The following CTNNA3 variants were observed in gnomAD, a reference collection of about 807,000 sequenced individuals.
The protein encoded by CTNNA3 is catenin alpha 3, also known as catenin alpha-3.
In CTNNA3, 76 loss-of-function variants were observed where a neutral mutation model predicts 95.7. The observed-to-expected ratio is 0.79, with a 90% CI of 0.66 to 0.96. CTNNA3 has a LOEUF of 0.96. Ranked by LOEUF, CTNNA3 falls within the 40% of genes least tolerant of loss-of-function variation. The pLI, the probability that CTNNA3 is intolerant of heterozygous loss-of-function variation, is 0.00. For synonymous variants in CTNNA3, 431 were observed against 374.4 expected (o/e 1.15, Z -1.74); for missense variants, 1,191 against 1,089.8 (o/e 1.09, Z -1.31).
At chr10:66,138,526 C>A (rs2083460810) in intron 13 of CTNNA3, among the ~76,000 whole-genome samples, 1 of 152,010 alleles carries the variant, frequency 6.6e-6, no homozygotes, top group Non-Finnish European at 1.5e-5. Context: ...TGATAAAAAT[C>A]CTTATTTAAA....
intron 5 of CTNNA3, among the ~76,000 whole-genome samples, chr10:67,373,503 T>C (rs1423944882): frequency 8.5e-5 from 13 of 152,130 alleles, no homozygotes; most frequent in Non-Finnish European, 4.4e-5. Flanking sequence ...CAAAGAGACT[T>C]AGACTCCCAC....
intron 9 of CTNNA3, among the ~76,000 whole-genome samples, chr10:66,677,826 A>G (rs1846916128): frequency 6.6e-6 from 1 of 152,156 alleles, no homozygotes. Context: ...GTGAGAATAG[A>G]CTAATACAAA....
At chr10:67,458,093 C>G (rs772421453) in intron 5 of CTNNA3, among the ~76,000 whole-genome samples, 18 of 152,034 alleles carry the variant, frequency 1.2e-4, no homozygotes, top group Non-Finnish European at 2.4e-4. Flanking sequence ...AAGCAGTTGG[C>G]ATGTAGCATG....
chr10:67,342,928 G>T (rs1384698040), intron 5 of CTNNA3, among the ~76,000 whole-genome samples: 1 of 151,934 alleles, frequency 6.6e-6, no homozygotes, highest in East Asian at 1.9e-4. Flanking sequence ...GGCTTTGGCT[G>T]TTCTGGCTCT....
chr10:67,239,669 A>C (rs190149474), intron 5 of CTNNA3, among the ~76,000 whole-genome samples: 67 of 152,310 alleles, frequency 4.4e-4, no homozygotes, highest in Admixed American at 1.2e-3. Context: ...TTCACATAAA[A>C]TCAAGGAAAT....
intron 14 of CTNNA3, among the ~76,000 whole-genome samples, chr10:66,072,447 T>TGTTTTGTTTC (rs1272600707): frequency 2.0e-5 from 3 of 151,854 alleles, no homozygotes; most frequent in Non-Finnish European, 4.4e-5. Flanking sequence ...TTCTTGTTTT[T>TGTTTTGTTTC]GTTTTGTTTT....
chr10:66,490,540 A>G (rs1180440638), intron 11 of CTNNA3, among the ~76,000 whole-genome samples: 1 of 152,144 alleles, frequency 6.6e-6, no homozygotes, highest in African/African-American at 2.4e-5. Context: ...CTGTAACCCT[A>G]TTATCAGAGA....
intron 15 of CTNNA3, among the ~76,000 whole-genome samples, chr10:66,067,201 C>G (rs2080331211): frequency 6.6e-6 from 1 of 152,128 alleles, no homozygotes; most frequent in African/African-American, 2.4e-5. Context: ...AAATATTATT[C>G]TAAAACGATC....
intron 15 of CTNNA3, among the ~76,000 whole-genome samples, chr10:66,045,510 T>G (rs1317104861): frequency 6.6e-6 from 1 of 152,206 alleles, no homozygotes; most frequent in Non-Finnish European, 1.5e-5. Flanking sequence ...GAAATATATT[T>G]ATTTACTTTG....
chr10:66,775,899 T>A (rs1252718710), intron 7 of CTNNA3, among the ~76,000 whole-genome samples: 2 of 152,196 alleles, frequency 1.3e-5, no homozygotes, highest in Non-Finnish European at 2.9e-5. Flanking sequence ...TGGGAGTTTC[T>A]AAAGTCATTT....
At chr10:66,872,406 C>T (rs1017063583) in intron 7 of CTNNA3, among the ~76,000 whole-genome samples, 2 of 152,120 alleles carry the variant, frequency 1.3e-5, no homozygotes, top group Admixed American at 6.5e-5. Context: ...CAGTGGCTCA[C>T]ACCTGTAATA....
chr10:67,490,631 G>A (rs1848612489), intron 5 of CTNNA3, among the ~76,000 whole-genome samples: 1 of 152,142 alleles, frequency 6.6e-6, no homozygotes, highest in Non-Finnish European at 1.5e-5. Context: ...ACAGAAGAGA[G>A]AACCTAGCAA....
At chr10:67,260,788 G>A (rs554519448) in intron 5 of CTNNA3, among the ~76,000 whole-genome samples, 3 of 151,952 alleles carry the variant, frequency 2.0e-5, no homozygotes, top group East Asian at 1.9e-4. Flanking sequence ...GGGTTCAAGC[G>A]ATTCTCTCGC....
At chr10:66,896,621 TC>T (rs1428084030) in intron 7 of CTNNA3, among the ~76,000 whole-genome samples, 2 of 152,160 alleles carry the variant, frequency 1.3e-5, no homozygotes, top group Non-Finnish European at 2.9e-5. Flanking sequence ...CCTAAAAGGT[TC>T]CTTTTTTTCC....
In CTNNA3 at chr10:67,634,309, T is replaced by C. The variant is rs574956083; in HGVS notation, c.99+13106A>G. 3.3e-5 allele frequency among the ~76,000 whole-genome samples: 5 copies of C among 152,328 alleles called. No individual in the cohort carries two copies. In the East Asian group the frequency reaches 7.7e-4, roughly 23 times the overall value. On this transcript the variant is annotated intron_variant, in intron 2 of 17. Coordinates refer to ENST00000433211, the MANE Select transcript of CTNNA3 (RefSeq NM_013266.4). ...GAATTTGTCACCATTCAGTCTGCCT[T>C]GCAAGAGCTCCTAAAGGAAGCACTA... is the stretch of plus-strand genomic sequence containing the variant.
chr10:66,596,166 G>A (rs938095024), intron 10 of CTNNA3, among the ~76,000 whole-genome samples: 1 of 151,990 alleles, frequency 6.6e-6, no homozygotes, highest in African/African-American at 2.4e-5. Context: ...CAGGGTAAGG[G>A]GGTAGGGGCC....
intron 8 of CTNNA3, among the ~76,000 whole-genome samples, chr10:66,772,100 G>A (rs900194276): frequency 6.6e-6 from 1 of 151,982 alleles, no homozygotes; most frequent in Non-Finnish European, 1.5e-5. Flanking sequence ...GCAAATTCTG[G>A]TAAATAACAA....
chr10:67,692,834 T>A (rs1300752633), intron 1 of CTNNA3, among the ~76,000 whole-genome samples: 1 of 152,104 alleles, frequency 6.6e-6, no homozygotes, highest in Admixed American at 6.5e-5. Flanking sequence ...CATAGATTAG[T>A]TAAAAATTGG....
intron 16 of CTNNA3, among the ~76,000 whole-genome samples, chr10:65,980,884 T>C (rs982049812): frequency 3.5e-4 from 54 of 152,176 alleles, no homozygotes; most frequent in Middle Eastern, 6.8e-3. Flanking sequence ...ACAGCCAATA[T>C]TATACTGAAC....
Sources: gnomAD v4.1 joint callset for allele counts (sites outside exome capture counted in the v4.1 genomes callset) on GRCh38, gnomAD v4.1.1 for gene constraint, MANE v1.5 for transcripts, NCBI Gene and HGNC (gene_info 2026-07-23, HGNC 2026-07-21) for gene names.